The following MGA variants were observed in gnomAD, a reference collection of about 807,000 sequenced individuals.
MGA encodes the protein MAX dimerization protein MGA.
Under a neutral mutation model 261.1 loss-of-function variants are expected in MGA, and 40 were observed. The ratio of observed to expected loss-of-function variants is 0.15; its 90% confidence interval spans 0.12 to 0.20. The LOEUF (loss-of-function observed/expected upper bound fraction) is 0.20. Ranked by LOEUF, MGA falls within the 10% of genes least tolerant of loss-of-function variation. MGA has a pLI of 1.00. For synonymous variants in MGA, 1,302 were observed against 1,290.6 expected (o/e 1.01, Z -0.19); for missense variants, 3,397 against 3,630.5 (o/e 0.94, Z 1.65).
intron 1 of MGA, among the ~76,000 whole-genome samples, chr15:41,649,475 C>G (rs527887794): frequency 6.6e-6 from 1 of 151,926 alleles, no homozygotes; most frequent in Non-Finnish European, 1.5e-5. Context: ...AAAAATAGAC[C>G]TGTGTAAGTT....
At position 41,750,038 on chromosome 15, in the gene MGA, G is replaced by A. The variant is rs2062745505; in HGVS notation, c.6431G>A (p.Gly2144Glu). The A allele has an allele frequency of 1.2e-6, 2 of 1,613,262 alleles. No individual in the cohort carries two copies. Among genetic ancestry groups the A allele is most frequent in the Non-Finnish European group, 1.7e-6 (2 of 1,179,618 alleles). The change falls in exon 17 of 24, where the codon GGA becomes GAA. Residue 2144 changes from glycine (G) to glutamate (E), a missense_variant. By Grantham distance (98) the Gly-to-Glu change is moderately conservative. Coordinates refer to ENST00000219905, the MANE Select transcript of MGA (RefSeq NM_001164273.2). The stretch of plus-strand genomic sequence containing the variant: ...GAAGAAAGTAAATTTGAATTGTCAG[G>A]AAGCAAAGTTATGGAGCAGCAATCT...
At position 41,696,429 on chromosome 15, in the gene MGA, C is replaced by T. The variant is rs368967440; in HGVS notation, c.1419C>T (p.Pro473=). The stretch of plus-strand genomic sequence containing the variant: ...AGATGCCAGTAGTCTATCTGGAGCC[C>T]TGTGCTGTCACCAGAAGCACAGTTA... Residue 473 remains proline (P), a synonymous_variant, in exon 3 of 24, where the codon CCC becomes CCT. Transcript: ENST00000219905. 9.5e-5 allele frequency: 153 copies of T among 1,613,864 alleles called. 1 individual carries two copies. The highest frequency in any genetic ancestry group is 1.2e-4 in the Non-Finnish European group (141 of 1,179,886).
chr15:41,687,977 T>C (rs1261020789), intron 2 of MGA, among the ~76,000 whole-genome samples: 1 of 152,254 alleles, frequency 6.6e-6, no homozygotes, highest in East Asian at 1.9e-4. Context: ...TCAAATACTT[T>C]GAAGCTAATA....
chr15:41,736,038 A>C, intron 12 of MGA, 143 bp from the exon 13 acceptor site: 1 of 776,608 alleles, frequency 1.3e-6, no homozygotes, highest in East Asian at 2.8e-5. Flanking sequence ...GAAAACTCCC[A>C]AATTGTGAAA....
intron 8 of MGA, among the ~76,000 whole-genome samples, chr15:41,712,758 C>G (rs1366814766): frequency 6.6e-6 from 1 of 152,166 alleles, no homozygotes; most frequent in African/African-American, 2.4e-5. Flanking sequence ...CATACACTCT[C>G]TATAGGAGTT....
intron 9 of MGA, among the ~76,000 whole-genome samples, chr15:41,713,785 G>A (rs2060495894): frequency 6.6e-6 from 1 of 152,058 alleles, no homozygotes; most frequent in Admixed American, 6.6e-5. Context: ...TCCATTTTCT[G>A]GATTGTGCGC....
chr15:41,719,477 A>G (rs1435507295), intron 9 of MGA, among the ~76,000 whole-genome samples: 2 of 152,206 alleles, frequency 1.3e-5, no homozygotes, highest in Admixed American at 1.3e-4. Context: ...GTGGTGGCTC[A>G]TGCCTGTAAT....
At chr15:41,680,404 CT>C (rs140145525) in intron 2 of MGA, among the ~76,000 whole-genome samples, 5,236 of 152,208 alleles carry the variant, frequency 0.034, 288 homozygotes, top group African/African-American at 0.12. Flanking sequence ...TTAACCCCCC[CT>C]GATGCATTGA....
In MGA at chr15:41,735,609, C is replaced by T. The variant is rs145287750; in HGVS notation, c.3917-572C>T. Among the ~76,000 whole-genome samples the T allele has an allele frequency of 1.5e-3, 222 of 152,046 alleles. 3 individuals carry two copies. In the East Asian group the frequency reaches 0.031, roughly 21 times the overall value. ...AAAATTAACTGGGCGTGGTGGCACG[C>T]GTCCATAATCTCAGCTACTCGGGAG... On this transcript the variant is annotated intron_variant, in intron 12 of 23. Coordinates refer to ENST00000219905, the MANE Select transcript of MGA (RefSeq NM_001164273.2).
chr15:41,743,933 A>G (rs1346179827), intron 15 of MGA, among the ~76,000 whole-genome samples: 6 of 152,212 alleles, frequency 3.9e-5, no homozygotes, highest in African/African-American at 1.4e-4. Flanking sequence ...TCCAGATGCA[A>G]CTAGCTAAAG....
At chr15:41,707,654 A>G in intron 5 of MGA, 74 bp from the exon 6 acceptor site, 1 of 1,400,656 alleles carries the variant, frequency 7.1e-7, no homozygotes, top group Admixed American at 2.5e-5. Flanking sequence ...CCCAGGCACA[A>G]GTTAAAAACA....
intron 2 of MGA, among the ~76,000 whole-genome samples, chr15:41,674,085 T>C (rs2058239731): frequency 6.6e-6 from 1 of 152,074 alleles, no homozygotes; most frequent in African/African-American, 2.4e-5. Flanking sequence ...AGAGGTGGGC[T>C]TTTGCCATGT....
intron 1 of MGA, among the ~76,000 whole-genome samples, chr15:41,662,010 C>T (rs2057436871): frequency 6.6e-6 from 1 of 151,968 alleles, no homozygotes; most frequent in Non-Finnish European, 1.5e-5. Context: ...AGTTGAAAAG[C>T]GGCGGTTTGT....
intron 5 of MGA, among the ~76,000 whole-genome samples, chr15:41,706,193 C>T (rs1017003907): frequency 8.0e-5 from 12 of 149,146 alleles, no homozygotes; most frequent in Admixed American, 7.3e-4. Flanking sequence ...GCCGAGATTA[C>T]ACCATTGCAC....
intron 10 of MGA, among the ~76,000 whole-genome samples, chr15:41,728,456 G>A (rs564437918): frequency 3.5e-4 from 54 of 152,250 alleles, no homozygotes; most frequent in African/African-American, 1.1e-3. Flanking sequence ...CTGTTGACTA[G>A]AAGCCTTACC....
intron 22 of MGA, 47 bp downstream of exon 22, chr15:41,762,409 TGACTTTAGTG>T (rs763057733): frequency 7.1e-7 from 1 of 1,398,638 alleles, no homozygotes; most frequent in South Asian, 1.2e-5. Flanking sequence ...ATACATCAGT[TGACTTTAGTG>T]GACTGACCAC....
At chr15:41,693,389 A>G (rs773057656) in intron 2 of MGA, among the ~76,000 whole-genome samples, 1 of 138,498 alleles carries the variant, frequency 7.2e-6, no homozygotes, top group Non-Finnish European at 1.5e-5. Context: ...ATTCCCACCT[A>G]TGAGTGAGAA....
chr15:41,738,976 G>C (rs2061943223), intron 13 of MGA, among the ~76,000 whole-genome samples: 1 of 152,158 alleles, frequency 6.6e-6, no homozygotes, highest in Non-Finnish European at 1.5e-5. Context: ...TTCCCTGTTA[G>C]AGAGTAGATT....
At chr15:41,734,977 G>A (rs886840202) in intron 12 of MGA, among the ~76,000 whole-genome samples, 1 of 152,102 alleles carries the variant, frequency 6.6e-6, no homozygotes, top group African/African-American at 2.4e-5. Context: ...ATATTACTGT[G>A]ATTTAGCTGG....
Sources: gnomAD v4.1 joint callset for allele counts (sites outside exome capture counted in the v4.1 genomes callset) on GRCh38, gnomAD v4.1.1 for gene constraint, MANE v1.5 for transcripts, NCBI Gene and HGNC (gene_info 2026-07-23, HGNC 2026-07-21) for gene names.